The following PSMD13 variants were observed in gnomAD, a reference collection of about 807,000 sequenced individuals.
PSMD13 encodes proteasome 26S subunit, non-ATPase 13.
Under a neutral mutation model 57.4 loss-of-function variants are expected in PSMD13, and 8 were observed. The observed-to-expected ratio is 0.14, with a 90% CI of 0.08 to 0.25. PSMD13 has a LOEUF of 0.25. Ranked by LOEUF, PSMD13 falls within the 10% of genes least tolerant of loss-of-function variation. The pLI is 1.00. For synonymous variants in PSMD13, 193 were observed against 168.2 expected (o/e 1.15, Z -1.14); for missense variants, 400 against 461.5 (o/e 0.87, Z 1.22).
In PSMD13 at chr11:252,445, C is replaced by T. The variant is rs1859782624; in HGVS notation, c.1036-60C>T. On this transcript the variant is annotated intron_variant, in intron 12 of 12. Transcript: ENST00000532097. The surrounding 1 kb of genome is among the most constrained non-coding windows in gnomAD (Gnocchi z 4.1). Reference sequence around the variant, plus strand: ...GTCACCCCATCAGGTGCTGTGCCGGCCGCTCGGCCTGTGTCTCCTGCGTGT... The same window carrying T: ...GTCACCCCATCAGGTGCTGTGCCGGTCGCTCGGCCTGTGTCTCCTGCGTGT... 1 of 1,530,132 alleles carries T rather than the reference C, an allele frequency of 6.5e-7. No homozygotes were observed. Among genetic ancestry groups the T allele is most frequent in the Admixed American group, 1.7e-5 (1 of 59,754 alleles). 94.8% of individuals were successfully genotyped at this position (1,530,132 alleles called of 1,614,324 possible).
chr11:237,248 C>A, intron 1 of PSMD13, 104 bp downstream of exon 1: 2 of 1,094,126 alleles, frequency 1.8e-6, no homozygotes, highest in Non-Finnish European at 2.6e-6. Context: ...CGCCCAGACC[C>A]AAGTTGGGGG....
intron 10 of PSMD13, 25 bp downstream of exon 10, chr11:250,890 TTGTC>T (rs752092645): frequency 6.2e-6 from 10 of 1,609,216 alleles, no homozygotes; most frequent in Middle Eastern, 1.7e-4. Context: ...AGGAGCCACT[TTGTC>T]TGTGGTTTCA....
intron 6 of PSMD13, among the ~76,000 whole-genome samples, chr11:245,641 CGTGTGTGTGTGTGT>C (rs4029226): frequency 4.4e-4 from 54 of 122,432 alleles, no homozygotes; most frequent in Middle Eastern, 8.5e-3. Flanking sequence ...TGAACCAGAA[CGTGTGTGTGTGTGT>C]GTGTGTGTGT....
chr11:237,983 A>G (rs1859394153), intron 1 of PSMD13, among the ~76,000 whole-genome samples: 1 of 152,274 alleles, frequency 6.6e-6, no homozygotes, highest in African/African-American at 2.4e-5. Context: ...AGCATTCAGC[A>G]GCCTTCTGCT....
chr11:251,917 G>T lies in PSMD13; in HGVS notation c.1016G>T (p.Arg339Leu). ...KRVHMTWVQP[R>L]VLDLQQIKGM... Reference sequence around the variant, plus strand: ...GTCCACATGACCTGGGTGCAGCCCCGAGTGTTGGATTTGCAACAGGTGATG... The same window carrying T: ...GTCCACATGACCTGGGTGCAGCCCCTAGTGTTGGATTTGCAACAGGTGATG... Residue 339 changes from arginine to leucine, a missense_variant, in exon 12 of 13, where the codon CGA becomes CTA. By Grantham distance (102) the Arg-to-Leu change is moderately radical. Coordinates refer to ENST00000532097, the MANE Select transcript of PSMD13 (RefSeq NM_002817.4). This position sits in a 1 kb window ranked among gnomAD's most constrained non-coding sequence, Gnocchi z 4.6. 2 of 1,613,796 alleles carry T rather than the reference G, an allele frequency of 1.2e-6. No homozygotes were observed. Among genetic ancestry groups the T allele is most frequent in the South Asian group, 2.2e-5 (2 of 91,042 alleles).
intron 9 of PSMD13, among the ~76,000 whole-genome samples, chr11:249,756 T>C (rs1452745259): frequency 6.6e-6 from 1 of 152,206 alleles, no homozygotes; most frequent in African/African-American, 2.4e-5. Context: ...ATGATAAGTA[T>C]GTTCTTTTTT....
intron 7 of PSMD13, 200 bp from the exon 8 acceptor site, chr11:248,576 C>T (rs2133991011): frequency 1.7e-6 from 1 of 576,812 alleles, no homozygotes; most frequent in African/African-American, 1.9e-5. Flanking sequence ...GAATGCTCCT[C>T]CCAAAAAACC....
chr11:242,650 G>A (rs1213023500), intron 2 of PSMD13, among the ~76,000 whole-genome samples: 1 of 152,110 alleles, frequency 6.6e-6, no homozygotes, highest in African/African-American at 2.4e-5. Flanking sequence ...CGATGATAAA[G>A]ATGGGAGGCA....
intron 9 of PSMD13, among the ~76,000 whole-genome samples, chr11:249,833 A>AT (rs2133992379): frequency 1.3e-5 from 2 of 152,194 alleles, no homozygotes; most frequent in African/African-American, 4.8e-5. Flanking sequence ...TTATTTTTGT[A>AT]TTTTTCTGAA....
intron 10 of PSMD13, 100 bp downstream of exon 10, chr11:250,965 A>G (rs898703233): frequency 1.0e-5 from 11 of 1,048,414 alleles, no homozygotes; most frequent in South Asian, 2.5e-5. Flanking sequence ...GTGAGCTTTC[A>G]GTGGTGCTGC....
intron 6 of PSMD13, 23 bp downstream of exon 6, chr11:244,784 T>A: frequency 2.0e-6 from 3 of 1,501,736 alleles, no homozygotes; most frequent in Non-Finnish European, 2.7e-6. Flanking sequence ...TAATACAGAT[T>A]TATCTTTGGT....
At chr11:244,987 C>G (rs1184625671) in intron 6 of PSMD13, among the ~76,000 whole-genome samples, 1 of 146,346 alleles carries the variant, frequency 6.8e-6, no homozygotes, top group Admixed American at 7.1e-5. Context: ...GTTTCCCAGG[C>G]TGGAGTGCAA....
At chr11:240,061 A>AACATTCG (rs2133983084) in intron 2 of PSMD13, among the ~76,000 whole-genome samples, 1 of 134,550 alleles carries the variant, frequency 7.4e-6, no homozygotes, top group South Asian at 2.5e-4. Context: ...CTGAACATTC[A>AACATTCG]GTCTTCTGGA....
chr11:245,682 T>G (rs1734495), intron 6 of PSMD13, among the ~76,000 whole-genome samples: 1,202 of 61,394 alleles, frequency 0.02, 42 homozygotes, highest in African/African-American at 0.062. Flanking sequence ...GTGTGTGTGT[T>G]TGCATGTGTG....
At chr11:243,108 C>A in intron 2 of PSMD13, 2 of 579,028 alleles carry the variant, frequency 3.5e-6, no homozygotes, top group Non-Finnish European at 6.7e-6. Context: ...ACGTCTTTTT[C>A]TTTCCCTTTT....
At chr11:250,161 C>CA (rs1787601738) in intron 9 of PSMD13, among the ~76,000 whole-genome samples, 1 of 152,162 alleles carries the variant, frequency 6.6e-6, no homozygotes, top group African/African-American at 2.4e-5. Context: ...ATGTCCCCAT[C>CA]GGGGCTACCT....
At chr11:237,862 G>T (rs778134444) in intron 1 of PSMD13, among the ~76,000 whole-genome samples, 1 of 152,196 alleles carries the variant, frequency 6.6e-6, no homozygotes, top group Non-Finnish European at 1.5e-5. Flanking sequence ...CTGGCATTGG[G>T]CTGGAGCTAT....
intron 7 of PSMD13, chr11:248,035 G>GTA (rs1859690457): frequency 2.0e-5 from 3 of 152,582 alleles, no homozygotes; most frequent in African/African-American, 7.2e-5. Context: ...TTTGTAGGAA[G>GTA]CACCATGACG....
In PSMD13 at chr11:252,661, T is replaced by G. The variant is rs1477688048; in HGVS notation, c.*61T>G. 1 of 1,474,546 alleles carries G rather than the reference T, an allele frequency of 6.8e-7. No homozygotes were observed. The highest frequency in any genetic ancestry group is 9.5e-7 in the Non-Finnish European group (1 of 1,056,824). The allele number at this position is 1,474,546 out of a possible 1,614,324, so 91.3% of individuals were successfully genotyped here. ...ACCTGAGAGAGGCGTTTGCAGCCAA[T>G]GAAGCTGGCTGCTCAGACGGTCGAC... is the stretch of plus-strand genomic sequence containing the variant. On this transcript the variant is annotated 3_prime_UTR_variant, in exon 13 of 13. Coordinates refer to ENST00000532097, the MANE Select transcript of PSMD13 (RefSeq NM_002817.4). The surrounding 1 kb of genome is among the most constrained non-coding windows in gnomAD (Gnocchi z 4.1).
Sources: gnomAD v4.1 joint callset for allele counts (sites outside exome capture counted in the v4.1 genomes callset) on GRCh38, gnomAD v4.1.1 for gene constraint, Gnocchi (gnomAD v3.1) non-coding constraint, MANE v1.5 for transcripts, NCBI Gene and HGNC (gene_info 2026-07-23, HGNC 2026-07-21) for gene names.